Variants in KIAA1328 observed in about 807,000 individuals in gnomAD.
The protein encoded by KIAA1328 is KIAA1328.
Under a neutral mutation model 68.1 loss-of-function variants are expected in KIAA1328, and 52 were observed. That is an observed-to-expected ratio of 0.76 (90% CI 0.61 to 0.96). KIAA1328 has a LOEUF of 0.96. KIAA1328 is among the 40% of genes least tolerant of loss of function. The pLI, the probability that KIAA1328 is intolerant of heterozygous loss-of-function variation, is 0.00. For missense variants in KIAA1328, 641 were observed against 677.6 expected, an observed-to-expected ratio of 0.95 and a Z score of 0.60; for synonymous variants, 232 against 239.4, an observed-to-expected ratio of 0.97 and a Z score of 0.28.
intron 7 of KIAA1328, among the ~76,000 whole-genome samples, chr18:37,074,158 T>G (rs1262292024): frequency 3.3e-5 from 5 of 152,220 alleles, no homozygotes; most frequent in African/African-American, 9.6e-5. Flanking sequence ...TTTGTCGATA[T>G]AGACTGCTCC....
At chr18:36,923,482 A>G (rs1470534671) in intron 5 of KIAA1328, among the ~76,000 whole-genome samples, 1 of 152,218 alleles carries the variant, frequency 6.6e-6, no homozygotes, top group African/African-American at 2.4e-5. Context: ...TACAGATTCT[A>G]TAGATCTTAA....
At chr18:36,915,867 C>T (rs1358800299) in intron 5 of KIAA1328, among the ~76,000 whole-genome samples, 1 of 152,160 alleles carries the variant, frequency 6.6e-6, no homozygotes, top group Admixed American at 6.5e-5. Context: ...GATCACACAA[C>T]ATACTCTAGA....
chr18:37,140,944 G>A (rs1035912523), intron 7 of KIAA1328, among the ~76,000 whole-genome samples: 2 of 152,120 alleles, frequency 1.3e-5, no homozygotes, highest in Admixed American at 6.5e-5. Flanking sequence ...CAAAGTACCT[G>A]GTCAGTGAAT....
At chr18:36,978,278 T>TGG (rs1460483400) in intron 6 of KIAA1328, among the ~76,000 whole-genome samples, 2 of 152,190 alleles carry the variant, frequency 1.3e-5, no homozygotes, top group Non-Finnish European at 2.9e-5. Context: ...AAGTTTCTGT[T>TGG]GGGGGCTGGT....
At chr18:37,141,770 T>C (rs2058769705) in intron 7 of KIAA1328, among the ~76,000 whole-genome samples, 1 of 152,234 alleles carries the variant, frequency 6.6e-6, no homozygotes, top group Non-Finnish European at 1.5e-5. Flanking sequence ...ACTTTAATTT[T>C]AAACATTTTA....
At chr18:37,007,579 T>G (rs1473548890) in intron 6 of KIAA1328, among the ~76,000 whole-genome samples, 1 of 152,152 alleles carries the variant, frequency 6.6e-6, no homozygotes, top group East Asian at 1.9e-4. Flanking sequence ...AAGTCATAAC[T>G]TCTGGAAAAT....
intron 6 of KIAA1328, among the ~76,000 whole-genome samples, chr18:36,981,956 T>TG: frequency 6.6e-6 from 1 of 151,252 alleles, no homozygotes; most frequent in Non-Finnish European, 1.5e-5. Context: ...ATCGGATTAA[T>TG]GGGAGATTAG....
intron 7 of KIAA1328, among the ~76,000 whole-genome samples, chr18:37,134,008 C>G (rs1366868559): frequency 6.6e-6 from 1 of 151,562 alleles, no homozygotes; most frequent in African/African-American, 2.4e-5. Context: ...ATCTCAGGAC[C>G]CCTTTACATT....
At chr18:37,118,437 G>A (rs921660619) in intron 7 of KIAA1328, among the ~76,000 whole-genome samples, 5 of 152,088 alleles carry the variant, frequency 3.3e-5, no homozygotes, top group African/African-American at 1.2e-4. Context: ...TGCAGGAATT[G>A]GGTTGTTGTA....
At chr18:37,041,640 TTGTG>T (rs56237948) in intron 6 of KIAA1328, among the ~76,000 whole-genome samples, 1,775 of 146,970 alleles carry the variant, frequency 0.012, 15 homozygotes, top group African/African-American at 0.019. Context: ...TTTTTTGTGT[TTGTG>T]TGTGTGTGTG....
chr18:36,857,852 A>G (rs1233941323), intron 4 of KIAA1328, among the ~76,000 whole-genome samples: 2 of 152,172 alleles, frequency 1.3e-5, no homozygotes, highest in Non-Finnish European at 2.9e-5. Context: ...TAATTATTTT[A>G]TGGTCAGAGA....
intron 4 of KIAA1328, among the ~76,000 whole-genome samples, chr18:36,880,271 G>A (rs1390726073): frequency 6.6e-6 from 1 of 152,168 alleles, no homozygotes; most frequent in Non-Finnish European, 1.5e-5. Flanking sequence ...GCTTCCCTTT[G>A]CTAGTGGAGG....
At chr18:36,996,425 G>T (rs944085968) in intron 6 of KIAA1328, among the ~76,000 whole-genome samples, 1 of 152,162 alleles carries the variant, frequency 6.6e-6, no homozygotes, top group Non-Finnish European at 1.5e-5. Context: ...TTGTTTGGCT[G>T]TTATTGAAGT....
chr18:37,107,206 T>G (rs955400677), intron 7 of KIAA1328, among the ~76,000 whole-genome samples: 2 of 152,094 alleles, frequency 1.3e-5, no homozygotes, highest in Admixed American at 6.5e-5. Flanking sequence ...GCCACTGTAC[T>G]CCAGCCTGGA....
intron 7 of KIAA1328, among the ~76,000 whole-genome samples, chr18:37,073,320 G>T (rs568712757): frequency 4.6e-5 from 7 of 151,806 alleles, no homozygotes; most frequent in Admixed American, 4.6e-4. Flanking sequence ...TTTACAAGAG[G>T]AAAAACAACC....
Position 37,225,204 on chromosome 18 carries a change from ATGGAGGCTGTGGCGGAC to A in KIAA1328, c.*2979_*2995del. ...AGCTGGACGAAGTCTGCTAAGAGAG[ATGGAGGCTGTGGCGGAC>A]TCCTTCCAACTCACGATTTATCCTC... On this transcript the variant is annotated 3_prime_UTR_variant, in exon 10 of 10. Transcript: ENST00000280020. 1.0e-6 allele frequency: 1 copy of A among 985,504 alleles called. No homozygotes were observed. The highest frequency in any genetic ancestry group is 6.1e-5 in the Admixed American group (1 of 16,284). The allele number at this position is 985,504 out of a possible 1,614,324, so 61.0% of individuals were successfully genotyped here.
chr18:37,169,469 TTTTTA>T (rs1236671668), intron 8 of KIAA1328, among the ~76,000 whole-genome samples: 1 of 152,022 alleles, frequency 6.6e-6, no homozygotes, highest in Non-Finnish European at 1.5e-5. Flanking sequence ...TCTGCCAGCA[TTTTTA>T]TTTATTTTTA....
rs112009391 is a variant in KIAA1328, at chr18:36,991,703, A to G, written c.576+32268A>G. ...TGCCTGTGGTCATACTTATGTGGCT[A>G]CATGCAGCTGACATGTTAGCTATGG... On this transcript the variant is annotated intron_variant, in intron 6 of 9. Coordinates refer to ENST00000280020, the MANE Select transcript of KIAA1328 (RefSeq NM_020776.3). Among the ~76,000 whole-genome samples the G allele has an allele frequency of 2.9e-3, 437 of 152,316 alleles. 6 individuals carry two copies. Among genetic ancestry groups the G allele is most frequent in the Non-Finnish European group, 3.5e-3 (237 of 68,014 alleles).
In KIAA1328 at chr18:37,217,069, C is replaced by T. The variant is rs543940114; in HGVS notation, c.1524-4948C>T. Among the ~76,000 whole-genome samples the T allele has an allele frequency of 1.5e-4, 23 of 149,546 alleles. 1 individual carries two copies. Among genetic ancestry groups the T allele is most frequent in the East Asian group, 7.8e-4 (4 of 5,100 alleles). Reference sequence around the variant, plus strand: ...TTTTGAGCCTGTGTGTGTCTCTGCACGTGAGATGAGTCTCCTGAATACAGC... The same window carrying T: ...TTTTGAGCCTGTGTGTGTCTCTGCATGTGAGATGAGTCTCCTGAATACAGC... On this transcript the variant is annotated intron_variant, in intron 9 of 9. Transcript: ENST00000280020.
Sources: allele counts gnomAD v4.1 joint callset (sites outside exome capture counted in the v4.1 genomes callset), GRCh38; gene constraint gnomAD v4.1.1; transcripts MANE v1.5; gene names NCBI Gene and HGNC (gene_info 2026-07-23, HGNC 2026-07-21).